The following ZSWIM6 variants were observed in gnomAD, a reference collection of about 807,000 sequenced individuals.
The protein encoded by ZSWIM6 is zinc finger SWIM domain-containing protein 6.
A neutral mutation model predicts 113.2 loss-of-function variants in ZSWIM6; 9 were observed. The observed-to-expected ratio is 0.08, with a 90% CI of 0.05 to 0.14. The LOEUF is 0.14. ZSWIM6 is among the 10% of genes least tolerant of loss of function. The pLI is 1.00. For missense variants in ZSWIM6, 1,162 were observed against 1,552.2 expected (o/e 0.75, Z 4.22); for synonymous variants, 611 against 606.5 (o/e 1.01, Z -0.11).
At chr5:61,393,931 A>C (rs748249742) in intron 1 of ZSWIM6, among the ~76,000 whole-genome samples, 18 of 152,088 alleles carry the variant, frequency 1.2e-4, no homozygotes, top group Non-Finnish European at 2.6e-4. Flanking sequence ...ACCTTATTAT[A>C]TGATGTATAA....
chr5:61,355,221 T>G (rs1744873550), intron 1 of ZSWIM6, among the ~76,000 whole-genome samples: 1 of 152,132 alleles, frequency 6.6e-6, no homozygotes, highest in African/African-American at 2.4e-5. Context: ...TGACTTAGTT[T>G]TCTGTTCTCA....
At position 61,546,119 on chromosome 5, in the gene ZSWIM6, T is replaced by G. The variant is rs1749881749; in HGVS notation, c.*1802T>G. 6.6e-6 allele frequency: 1 copy of G among 152,150 alleles called. No homozygotes were observed. The highest frequency in any genetic ancestry group is 2.4e-5 in the African/African-American group (1 of 41,388). 9.4% of individuals were successfully genotyped at this position (152,150 alleles called of 1,614,324 possible). A position where few individuals can be genotyped will look rare whatever the true frequency, so the allele number is the denominator to read the frequency against. On this transcript the variant is annotated 3_prime_UTR_variant, in exon 14 of 14. Transcript: ENST00000252744. ...GTAACTAAATCACTGTTTTATAAAC[T>G]TGTTAATGATCAACAATTTTTGTTT...
At chr5:61,344,106 G>T (rs1019991954) in intron 1 of ZSWIM6, among the ~76,000 whole-genome samples, 1 of 152,130 alleles carries the variant, frequency 6.6e-6, no homozygotes, top group Non-Finnish European at 1.5e-5. Context: ...TGTTGGCCAG[G>T]CTGGTCTGGA....
At chr5:61,487,578 A>G (rs1748054870) in intron 2 of ZSWIM6, among the ~76,000 whole-genome samples, 2 of 151,718 alleles carry the variant, frequency 1.3e-5, no homozygotes, top group Admixed American at 1.3e-4. Flanking sequence ...TCACTGTTTT[A>G]TAGTTTTTTT....
At chr5:61,471,915 T>G (rs183159523) in intron 1 of ZSWIM6, among the ~76,000 whole-genome samples, 1 of 146,190 alleles carries the variant, frequency 6.8e-6, no homozygotes, top group African/African-American at 2.5e-5. Context: ...CTTGGTAACT[T>G]TGTACCGTGT....
At position 61,332,667 on chromosome 5, in the gene ZSWIM6, G is replaced by A; in HGVS notation, c.395G>A (p.Gly132Asp). ...TACTCGTCCTTCAACACCGGCGGCG[G>A]CGCCGCGGGCGGCCCCGGCGACGAC... ...CMYSSFNTGGGAAGGPGDDSG... is the reference protein window; with the variant it reads ...CMYSSFNTGGDAAGGPGDDSG... The change falls in exon 1 of 14, where the codon GGC becomes GAC. Residue 132 changes from glycine (G) to aspartate (D), a missense_variant. Gly to Asp is a moderately conservative substitution (Grantham distance 94, BLOSUM62 -1). Coordinates refer to ENST00000252744, the MANE Select transcript of ZSWIM6 (RefSeq NM_020928.2). The A allele has an allele frequency of 9.0e-7, 1 of 1,114,566 alleles. No individual in the cohort carries two copies. 69.0% of individuals were successfully genotyped at this position (1,114,566 alleles called of 1,614,324 possible). A position where few individuals can be genotyped will look rare whatever the true frequency, so the allele number is the denominator to read the frequency against.
At chr5:61,356,687 T>C (rs944033457) in intron 1 of ZSWIM6, among the ~76,000 whole-genome samples, 1 of 141,556 alleles carries the variant, frequency 7.1e-6, no homozygotes, top group Non-Finnish European at 1.5e-5. Flanking sequence ...ACATAATATA[T>C]AATATACATA....
chr5:61,416,552 C>A (rs1283017477), intron 1 of ZSWIM6, among the ~76,000 whole-genome samples: 1 of 152,180 alleles, frequency 6.6e-6, no homozygotes, highest in Non-Finnish European at 1.5e-5. Context: ...AGCAGGCAGG[C>A]TTTTTAGCCA....
chr5:61,338,365 T>G (rs1465358604), intron 1 of ZSWIM6, among the ~76,000 whole-genome samples: 1 of 152,212 alleles, frequency 6.6e-6, no homozygotes, highest in Non-Finnish European at 1.5e-5. Flanking sequence ...CATTGAATGC[T>G]TTTTCAAGGT....
At chr5:61,501,468 T>TA (rs982730154) in intron 4 of ZSWIM6, among the ~76,000 whole-genome samples, 1 of 152,090 alleles carries the variant, frequency 6.6e-6, no homozygotes. Context: ...AAATACGAAT[T>TA]AAAAAAATAG....
intron 1 of ZSWIM6, among the ~76,000 whole-genome samples, chr5:61,438,491 T>C (rs1156790907): frequency 1.3e-5 from 2 of 152,230 alleles, no homozygotes; most frequent in African/African-American, 4.8e-5. Context: ...CTGTGTGCTG[T>C]TCATGTGTGC....
At chr5:61,387,408 A>G (rs1054535303) in intron 1 of ZSWIM6, among the ~76,000 whole-genome samples, 11 of 152,232 alleles carry the variant, frequency 7.2e-5, no homozygotes, top group Admixed American at 7.2e-4. Context: ...CCATGCCTTT[A>G]ATCTCAGCAC....
chr5:61,542,511 G>A (rs1303068609), intron 13 of ZSWIM6, among the ~76,000 whole-genome samples: 2 of 152,110 alleles, frequency 1.3e-5, no homozygotes, highest in Non-Finnish European at 2.9e-5. Flanking sequence ...AGAAACAAAT[G>A]GTTGCTATTT....
chr5:61,356,193 G>A (rs990431297), intron 1 of ZSWIM6, among the ~76,000 whole-genome samples: 2 of 152,162 alleles, frequency 1.3e-5, no homozygotes, highest in Non-Finnish European at 2.9e-5. Flanking sequence ...CCCGAACTCG[G>A]GTTCAAGTGA....
intron 1 of ZSWIM6, among the ~76,000 whole-genome samples, chr5:61,433,676 G>T (rs2112138142): frequency 6.6e-6 from 1 of 152,210 alleles, no homozygotes; most frequent in South Asian, 2.1e-4. Context: ...GTTGCACCAT[G>T]TTGGCCAGGC....
intron 1 of ZSWIM6, among the ~76,000 whole-genome samples, chr5:61,369,725 A>T (rs766973773): frequency 7.2e-5 from 11 of 152,330 alleles, no homozygotes; most frequent in Non-Finnish European, 1.3e-4. Context: ...CTGTATACTT[A>T]CGTGAGAACC....
chr5:61,514,046 T>C (rs1429997393), intron 4 of ZSWIM6, among the ~76,000 whole-genome samples: 1 of 152,122 alleles, frequency 6.6e-6, no homozygotes, highest in Non-Finnish European at 1.5e-5. Flanking sequence ...GTTAACAGTA[T>C]TGAGTTTTCC....
chr5:61,510,809 C>A (rs986982146), intron 4 of ZSWIM6, among the ~76,000 whole-genome samples: 2 of 152,056 alleles, frequency 1.3e-5, no homozygotes, highest in Non-Finnish European at 2.9e-5. Context: ...GTGAAAGAAC[C>A]AGTAGTACCT....
intron 7 of ZSWIM6, among the ~76,000 whole-genome samples, chr5:61,527,181 T>A (rs745486739): frequency 6.6e-6 from 1 of 152,214 alleles, no homozygotes. Context: ...AAGACCCTGA[T>A]CAGATAAAGA....
Sources: allele counts gnomAD v4.1 joint callset (sites outside exome capture counted in the v4.1 genomes callset), GRCh38; gene constraint gnomAD v4.1.1; transcripts MANE v1.5; gene names NCBI Gene and HGNC (gene_info 2026-07-23, HGNC 2026-07-21).